Variants in PGR observed in about 807,000 individuals in gnomAD.
The protein encoded by PGR is progesterone receptor, also known as nuclear receptor subfamily 3 group C member 3.
Under a neutral mutation model 76.1 loss-of-function variants are expected in PGR, and 25 were observed. That is an observed-to-expected ratio of 0.33 (90% CI 0.24 to 0.46). PGR has a LOEUF of 0.46. Among genes scored for constraint, PGR ranks in the 20% least tolerant of loss-of-function variants. PGR has a pLI of 1.00. For synonymous variants in PGR, 579 were observed against 535.0 expected (o/e 1.08, Z -1.14); for missense variants, 1,172 against 1,225.3 (o/e 0.96, Z 0.65).
At chr11:101,055,224 C>T (rs905103218) in intron 4 of PGR, among the ~76,000 whole-genome samples, 2 of 151,770 alleles carry the variant, frequency 1.3e-5, no homozygotes, top group Non-Finnish European at 2.9e-5. Flanking sequence ...ACCATCTTGG[C>T]CAGCATGGTA....
intron 2 of PGR, among the ~76,000 whole-genome samples, chr11:101,092,942 T>C (rs973338332): frequency 3.3e-5 from 5 of 152,068 alleles, no homozygotes; most frequent in African/African-American, 4.8e-5. Flanking sequence ...CTGGCCAAAG[T>C]TGGTAGTAAA....
chr11:101,030,093 T>C lies in PGR; in HGVS notation c.*9023A>G, dbSNP rs554954593. On this transcript the variant is annotated 3_prime_UTR_variant, in exon 8 of 8. Coordinates refer to ENST00000325455, the MANE Select transcript of PGR (RefSeq NM_000926.4). ...GATTCAAGAAGTATATGGGGCTAAA[T>C]ATCTTTAAAAGTATAACTCTGGACA... The C allele has an allele frequency of 5.1e-4, 112 of 219,550 alleles. No individual in the cohort carries two copies. Among genetic ancestry groups the C allele is most frequent in the African/African-American group, 2.4e-3 (108 of 44,690 alleles). The allele number at this position is 219,550 out of a possible 1,614,324, so 13.6% of individuals were successfully genotyped here. A position where few individuals can be genotyped will look rare whatever the true frequency, so the allele number is the denominator to read the frequency against.
At position 101,129,018 on chromosome 11, in the gene PGR, G is replaced by A. The variant is rs759568940; in HGVS notation, c.53C>T (p.Pro18Leu). ...GPRAPHVAGG[P>L]PSPEVGSPLL... is the part of the protein sequence containing the mutation. ...TGGGGATCCGACCTCGGGGGAGGGC[G>A]GGCCGCCCGCCACGTGGGGAGCCCG... Residue 18 changes from proline (P) to leucine (L), a missense_variant, in exon 1 of 8, where the codon CCG (proline) becomes CTG (leucine). Transcript: ENST00000325455. 2 of 1,569,624 alleles carry A rather than the reference G, an allele frequency of 1.3e-6. No homozygotes were observed. The highest frequency in any genetic ancestry group is 1.3e-5 in the African/African-American group (1 of 74,228).
At chr11:101,091,633 A>C (rs1214762715) in intron 3 of PGR, 127 bp downstream of exon 3, 2 of 696,888 alleles carry the variant, frequency 2.9e-6, no homozygotes, top group East Asian at 5.3e-5. Context: ...ACATGTGCAG[A>C]GTCACTGCCA....
chr11:101,041,704 T>C (rs1859698527), intron 7 of PGR: 1 of 469,192 alleles, frequency 2.1e-6, no homozygotes. Context: ...TACCATAATT[T>C]CTATCAGCTA....
At position 101,128,840 on chromosome 11, in the gene PGR, C is replaced by T; in HGVS notation, c.231G>A (p.Gln77=). The change falls in exon 1 of 8, where the codon CAG becomes CAA. Residue 77 remains glutamine, a synonymous_variant. Coordinates refer to ENST00000325455, the MANE Select transcript of PGR (RefSeq NM_000926.4). ...CGCCCTCCACGTCCGACAGCGACTG[C>T]TGGTCCTGCGTCTTTTCGTCGGAGG... ...QDPSDEKTQD[Q]QSLSDVEGAY... 6.2e-7 allele frequency: 1 copy of T among 1,614,178 alleles called. No individual in the cohort carries two copies. Among genetic ancestry groups the T allele is most frequent in the Non-Finnish European group, 8.5e-7 (1 of 1,180,044 alleles).
intron 2 of PGR, among the ~76,000 whole-genome samples, chr11:101,092,092 A>G (rs1861693453): frequency 6.6e-6 from 1 of 152,194 alleles, no homozygotes; most frequent in Non-Finnish European, 1.5e-5. Flanking sequence ...ATAGCTGAAG[A>G]ATCAATCCTA....
At chr11:101,113,441 T>G (rs978955117) in intron 2 of PGR, among the ~76,000 whole-genome samples, 23 of 146,808 alleles carry the variant, frequency 1.6e-4, no homozygotes, top group Middle Eastern at 3.5e-3. Flanking sequence ...TTTTTTTTTG[T>G]ATTTTTAGTA....
chr11:101,083,830 C>T (rs1784469699), intron 3 of PGR, among the ~76,000 whole-genome samples: 1 of 152,142 alleles, frequency 6.6e-6, no homozygotes, highest in African/African-American at 2.4e-5. Context: ...AGGGACTTGC[C>T]TTGTCTCAGA....
In PGR at chr11:101,127,964, G is replaced by A; in HGVS notation, c.1107C>T (p.Pro369=). Residue 369 remains proline (P), a synonymous_variant, in exon 1 of 8, where the codon CCC becomes CCT. Transcript: ENST00000325455. ...TATAGAGAGGGTACGCGTCGTCCTTGGGCTCGGCGTCGGGCGGGTACGCGC... is the reference window on the plus strand; with the variant it reads ...TATAGAGAGGGTACGCGTCGTCCTTAGGCTCGGCGTCGGGCGGGTACGCGC... ...PDCAYPPDAE[P]KDDAYPLYSD... is the part of the protein sequence containing the mutation. 13 of 1,612,100 alleles carry A rather than the reference G, an allele frequency of 8.1e-6. No homozygotes were observed. The highest frequency in any genetic ancestry group is 1.7e-4 in the Middle Eastern group (1 of 6,060).
intron 3 of PGR, among the ~76,000 whole-genome samples, chr11:101,068,434 C>T (rs1860801715): frequency 1.3e-5 from 2 of 152,222 alleles, no homozygotes; most frequent in Admixed American, 6.5e-5. Flanking sequence ...TGAAAATGGC[C>T]ATAGTGACCA....
intron 3 of PGR, among the ~76,000 whole-genome samples, chr11:101,089,466 C>T (rs1861603976): frequency 6.6e-6 from 1 of 152,192 alleles, no homozygotes; most frequent in Non-Finnish European, 1.5e-5. Flanking sequence ...ATAATCCCCA[C>T]TAACTCTGCT....
In PGR at chr11:101,062,521, G is replaced by C. The variant is rs1167003428; in HGVS notation, c.2138C>G (p.Ser713Cys). 2 of 1,614,006 alleles carry C rather than the reference G, an allele frequency of 1.2e-6. No homozygotes were observed. Among genetic ancestry groups the C allele is most frequent in the East Asian group, 4.5e-5 (2 of 44,872 alleles). Residue 713 changes from serine (S) to cysteine (C), a missense_variant, in exon 4 of 8, where the codon TCT becomes TGT. Physicochemically the swap from Ser to Cys is moderately radical, Grantham distance 112. Coordinates refer to ENST00000325455, the MANE Select transcript of PGR (RefSeq NM_000926.4). ...HDNTKPDTSS[S>C]LLTSLNQLGE... Reference sequence around the variant, plus strand: ...TAGTTGATTAAGACTTGTCAGCAAAGAACTGGAGGTGTCAGGTTTTGTGTT... The same window carrying C: ...TAGTTGATTAAGACTTGTCAGCAAACAACTGGAGGTGTCAGGTTTTGTGTT...
At chr11:101,047,177 C>T (rs922203348) in intron 6 of PGR, among the ~76,000 whole-genome samples, 1 of 152,078 alleles carries the variant, frequency 6.6e-6, no homozygotes, top group Non-Finnish European at 1.5e-5. Context: ...TAGTGATCGC[C>T]TAAGTTTCTA....
chr11:101,051,742 T>A (rs750520599), intron 4 of PGR, among the ~76,000 whole-genome samples, 174 bp from the exon 5 acceptor site: 1 of 152,172 alleles, frequency 6.6e-6, no homozygotes, highest in Non-Finnish European at 1.5e-5. Context: ...CAGCCTAAAA[T>A]ATCAGCAACT....
chr11:101,101,018 A>G (rs891282109), intron 2 of PGR, among the ~76,000 whole-genome samples: 11 of 152,228 alleles, frequency 7.2e-5, no homozygotes, highest in African/African-American at 2.7e-4. Context: ...TTCACATGTA[A>G]TATAATTTTC....
chr11:101,113,500 G>T (rs1238500376), intron 2 of PGR, among the ~76,000 whole-genome samples: 1 of 151,402 alleles, frequency 6.6e-6, no homozygotes, highest in Non-Finnish European at 1.5e-5. Flanking sequence ...ACGATCTCCT[G>T]ACCTCGTGAT....
At chr11:101,118,393 A>G (rs369344680) in intron 2 of PGR, among the ~76,000 whole-genome samples, 10 of 152,298 alleles carry the variant, frequency 6.6e-5, no homozygotes, top group African/African-American at 2.2e-4. Context: ...TTTTGAGCTC[A>G]CGGTCCATAC....
At chr11:101,120,607 C>T (rs1862643041) in intron 2 of PGR, among the ~76,000 whole-genome samples, 1 of 151,980 alleles carries the variant, frequency 6.6e-6, no homozygotes, top group African/African-American at 2.4e-5. Flanking sequence ...ATCAAAATAA[C>T]ATGATGCATA....
Sources: gnomAD v4.1 joint callset for allele counts (sites outside exome capture counted in the v4.1 genomes callset) on GRCh38, gnomAD v4.1.1 for gene constraint, MANE v1.5 for transcripts, NCBI Gene and HGNC (gene_info 2026-07-23, HGNC 2026-07-21) for gene names.